The following PCP4 variants were observed in gnomAD, a reference collection of about 807,000 sequenced individuals.
PCP4 encodes the protein calmodulin regulator protein PCP4.
In PCP4, 8 loss-of-function variants were observed where a neutral mutation model predicts 10.0. That is an observed-to-expected ratio of 0.80 (90% CI 0.47 to 1.45). The LOEUF (loss-of-function observed/expected upper bound fraction) is 1.45, where lower values mean the gene tolerates loss of function less well. PCP4 is among the 40% of genes most tolerant of loss of function. The pLI is 0.00. For missense variants in PCP4, 54 were observed against 74.4 expected (o/e 0.73, Z 1.01); for synonymous variants, 21 against 23.0 (o/e 0.91, Z 0.24).
chr21:39,926,029 G>A, intron 2 of PCP4: 1 of 456,142 alleles, frequency 2.2e-6, no homozygotes, highest in African/African-American at 2.0e-5. Context: ...CTAATTGGTT[G>A]TCCCTTCTCC....
chr21:39,873,654 A>G (rs550220331), intron 1 of PCP4, among the ~76,000 whole-genome samples: 10 of 152,322 alleles, frequency 6.6e-5, no homozygotes, highest in Admixed American at 4.6e-4. Flanking sequence ...ATGAGGTGCA[A>G]TGTGAACAAT....
At chr21:39,880,081 T>C (rs752154649) in intron 1 of PCP4, among the ~76,000 whole-genome samples, 3 of 152,000 alleles carry the variant, frequency 2.0e-5, no homozygotes, top group Non-Finnish European at 4.4e-5. Context: ...TCCATTATCT[T>C]TGCAATGTCT....
At chr21:39,910,118 C>T (rs2087532384) in intron 2 of PCP4, among the ~76,000 whole-genome samples, 1 of 152,156 alleles carries the variant, frequency 6.6e-6, no homozygotes, top group Admixed American at 6.5e-5. Flanking sequence ...ATCCCAGACC[C>T]TGAAAACAAT....
chr21:39,909,971 T>G (rs1006053727), intron 2 of PCP4, among the ~76,000 whole-genome samples: 1 of 152,034 alleles, frequency 6.6e-6, no homozygotes, highest in African/African-American at 2.4e-5. Flanking sequence ...AATTTTTGTA[T>G]TTTTAGTAGA....
At chr21:39,895,465 C>T (rs183140733) in intron 1 of PCP4, among the ~76,000 whole-genome samples, 91 of 152,324 alleles carry the variant, frequency 6.0e-4, no homozygotes, top group African/African-American at 2.1e-3. Context: ...AACTCCCCAC[C>T]CGCTGATAGA....
chr21:39,878,737 A>G (rs1248300200), intron 1 of PCP4, among the ~76,000 whole-genome samples: 2 of 152,182 alleles, frequency 1.3e-5, no homozygotes, highest in Non-Finnish European at 2.9e-5. Flanking sequence ...TGCTCATGGT[A>G]GAGTATCATT....
chr21:39,913,244 C>CG (rs1482498711), intron 2 of PCP4, among the ~76,000 whole-genome samples: 1 of 21,948 alleles, frequency 4.6e-5, no homozygotes, highest in African/African-American at 6.0e-4. Context: ...AAGATAGTGT[C>CG]ATTTTAAAAA....
At chr21:39,901,692 T>C (rs1568856732) in intron 2 of PCP4, among the ~76,000 whole-genome samples, 2 of 152,230 alleles carry the variant, frequency 1.3e-5, no homozygotes, top group Non-Finnish European at 2.9e-5. Flanking sequence ...AGATATTAAA[T>C]GATAGTCACT....
chr21:39,901,065 T>G (rs536834845), intron 2 of PCP4, among the ~76,000 whole-genome samples: 1 of 152,228 alleles, frequency 6.6e-6, no homozygotes, highest in South Asian at 2.1e-4. Flanking sequence ...GCAACTCTCT[T>G]TAAAGTCTGG....
chr21:39,928,253 T>A (rs149175908), intron 2 of PCP4, among the ~76,000 whole-genome samples: 2 of 152,260 alleles, frequency 1.3e-5, no homozygotes, highest in African/African-American at 4.8e-5. Context: ...AGAATTTTAT[T>A]GATTTATTTG....
rs146379142 is a variant in PCP4 at position 39,884,608 on chromosome 21, C to T, written c.10-13868C>T. On this transcript the variant is annotated intron_variant, in intron 1 of 2. Coordinates refer to ENST00000328619, the MANE Select transcript of PCP4 (RefSeq NM_006198.3). ...GGTCAGGAGTTCGAGACCAGCCTGG[C>T]CAACATGGCAAAACCTTGTCTCTAC... is the stretch of plus-strand genomic sequence containing the variant. 5.2e-4 allele frequency among the ~76,000 whole-genome samples: 79 copies of T among 152,056 alleles called. 1 individual carries two copies. In the East Asian group the frequency reaches 7.7e-3, roughly 15 times the overall value.
chr21:39,872,884 T>C (rs1198723743), intron 1 of PCP4, among the ~76,000 whole-genome samples: 6 of 152,204 alleles, frequency 3.9e-5, no homozygotes, highest in African/African-American at 1.4e-4. Context: ...GTGTTTGCCA[T>C]GTAAATCCTT....
At chr21:39,867,632 A>G in intron 1 of PCP4, 122 bp downstream of exon 1, 1 of 977,728 alleles carries the variant, frequency 1.0e-6, no homozygotes, top group East Asian at 2.4e-5. Flanking sequence ...TCCTGTAATT[A>G]TTTGCTTGGA....
At chr21:39,903,729 G>A (rs1238824499) in intron 2 of PCP4, among the ~76,000 whole-genome samples, 1 of 151,772 alleles carries the variant, frequency 6.6e-6, no homozygotes, top group East Asian at 1.9e-4. Flanking sequence ...TTATCCGGGC[G>A]CGGTGGCGGG....
At chr21:39,890,167 A>G (rs1480399214) in intron 1 of PCP4, among the ~76,000 whole-genome samples, 1 of 152,190 alleles carries the variant, frequency 6.6e-6, no homozygotes, top group African/African-American at 2.4e-5. Context: ...CCATGATACA[A>G]TGAAAAGGTT....
At chr21:39,875,382 A>ACACACAG (rs1232326013) in intron 1 of PCP4, among the ~76,000 whole-genome samples, 2 of 152,112 alleles carry the variant, frequency 1.3e-5, no homozygotes, top group Admixed American at 1.3e-4. Flanking sequence ...GTGACAGCAT[A>ACACACAG]CACACAGACA....
At chr21:39,923,870 G>A (rs552773420) in intron 2 of PCP4, among the ~76,000 whole-genome samples, 19 of 152,334 alleles carry the variant, frequency 1.2e-4, no homozygotes, top group African/African-American at 4.3e-4. Flanking sequence ...GTGTGCCCTC[G>A]TAGCTAAGGA....
At chr21:39,914,247 C>G (rs2087557081) in intron 2 of PCP4, among the ~76,000 whole-genome samples, 1 of 152,144 alleles carries the variant, frequency 6.6e-6, no homozygotes, top group Non-Finnish European at 1.5e-5. Flanking sequence ...AACCCTGGAA[C>G]ACACTCCATT....
At chr21:39,874,914 GT>G (rs2087337993) in intron 1 of PCP4, among the ~76,000 whole-genome samples, 1 of 152,212 alleles carries the variant, frequency 6.6e-6, no homozygotes, top group African/African-American at 2.4e-5. Context: ...GGCAGGTAGT[GT>G]AGACAGTGTG....
Sources: allele counts gnomAD v4.1 joint callset (sites outside exome capture counted in the v4.1 genomes callset), GRCh38; gene constraint gnomAD v4.1.1; transcripts MANE v1.5; gene names NCBI Gene and HGNC (gene_info 2026-07-23, HGNC 2026-07-21).